The following BBS2 variants were observed in gnomAD, a reference collection of about 807,000 sequenced individuals.
The protein encoded by BBS2 is BBSome complex member BBS2.
Under a neutral mutation model 83.0 loss-of-function variants are expected in BBS2, and 62 were observed. That is an observed-to-expected ratio of 0.75 (90% CI 0.61 to 0.92). The LOEUF (loss-of-function observed/expected upper bound fraction) is 0.92, where lower values mean the gene tolerates loss of function less well. Among genes scored for constraint, BBS2 ranks in the 40% least tolerant of loss-of-function variants. The pLI is 0.00. For missense variants in BBS2, 784 were observed against 901.0 expected, an observed-to-expected ratio of 0.87 and a Z score of 1.66; for synonymous variants, 303 against 326.1, an observed-to-expected ratio of 0.93 and a Z score of 0.76.
At chr16:56,514,423 CAAT>C in intron 2 of BBS2, 27 bp downstream of exon 2, 1 of 1,591,950 alleles carries the variant, frequency 6.3e-7, no homozygotes, top group Non-Finnish European at 8.6e-7. Context: ...TGAGTAATGA[CAAT>C]TTTATGGTTA....
chr16:56,502,829 T>TA (rs747041352), intron 7 of BBS2, 21 bp from the exon 8 acceptor site: 4 of 1,613,918 alleles, frequency 2.5e-6, no homozygotes, highest in Middle Eastern at 1.6e-4. Flanking sequence ...AACACAAATT[T>TA]AAAAGTTGCT....
chr16:56,500,601 G>C (rs1212916750), intron 11 of BBS2: 2 of 445,098 alleles, frequency 4.5e-6, no homozygotes, highest in Admixed American at 7.1e-5. Context: ...CTCCAGCCTG[G>C]GTGACAAAGC....
intron 10 of BBS2, 71 bp downstream of exon 10, chr16:56,501,282 A>C: frequency 8.0e-6 from 2 of 249,220 alleles, no homozygotes; most frequent in Non-Finnish European, 1.4e-5. Flanking sequence ...ACTCTGTCTC[A>C]AAAAAAAAAA....
chr16:56,482,927 T>C (rs1249576333), downstream of BBS2, among the ~76,000 whole-genome samples: 1 of 152,222 alleles, frequency 6.6e-6, no homozygotes, highest in Non-Finnish European at 1.5e-5. Context: ...ACCACACTTT[T>C]AAAAGAAGAA....
At chr16:56,484,127 C>T (rs1963709178), downstream of BBS2, among the ~76,000 whole-genome samples, 1 of 152,002 alleles carries the variant, frequency 6.6e-6, no homozygotes, top group Non-Finnish European at 1.5e-5. Flanking sequence ...CTGCCTCAGC[C>T]TCCCAAGTAG....
intron 17 of BBS2, among the ~76,000 whole-genome samples, chr16:56,474,188 A>G (rs1225234451): frequency 1.3e-5 from 2 of 152,106 alleles, no homozygotes; most frequent in East Asian, 3.8e-4. Flanking sequence ...TTTCTACTTT[A>G]GGTAATAACA....
At chr16:56,490,263 A>G (rs1385828288) in intron 15 of BBS2, among the ~76,000 whole-genome samples, 1 of 152,186 alleles carries the variant, frequency 6.6e-6, no homozygotes, top group Non-Finnish European at 1.5e-5. Flanking sequence ...GACTTAATGT[A>G]AAAAAGCAAA....
chr16:56,482,475 ACTT>A (rs1963679196), downstream of BBS2, among the ~76,000 whole-genome samples: 1 of 152,096 alleles, frequency 6.6e-6, no homozygotes, highest in Non-Finnish European at 1.5e-5. Flanking sequence ...TTACGATGAT[ACTT>A]TACTACTTTG....
intron 13 of BBS2, among the ~76,000 whole-genome samples, chr16:56,498,203 T>C (rs1170510166): frequency 6.6e-6 from 1 of 152,160 alleles, no homozygotes; most frequent in African/African-American, 2.4e-5. Flanking sequence ...AAAACAGCTA[T>C]TCCAAATTAT....
intron 5 of BBS2, among the ~76,000 whole-genome samples, chr16:56,507,225 C>T (rs1490746063): frequency 6.6e-6 from 1 of 152,068 alleles, no homozygotes; most frequent in Non-Finnish European, 1.5e-5. Flanking sequence ...GGAAAATGGC[C>T]CTGCAAGTGA....
Position 56,514,516 on chromosome 16 carries a change from CA to C in BBS2, c.281del (p.Val94GlyfsTer23). ...AAGCCAAAAGATTAGTCTGTGTCCC[CA>C]CTAAAAGGGCATCATAGCCAAGCTC... ...NPELGYDALL[V>X]GTQTNLLAYD... is the part of the protein sequence containing the mutation. On this transcript the variant is annotated frameshift_variant, in exon 2 of 17. Coordinates refer to ENST00000245157, the MANE Select transcript of BBS2 (RefSeq NM_031885.5). LOFTEE classifies it high-confidence loss of function. 6.2e-7 allele frequency: 1 copy of C among 1,614,104 alleles called. No individual in the cohort carries two copies. The highest frequency in any genetic ancestry group is 8.5e-7 in the Non-Finnish European group (1 of 1,180,014).
chr16:56,502,802 C>T lies in BBS2; in HGVS notation c.811G>A (p.Ala271Thr). Residue 271 changes from alanine to threonine, a missense_variant, in exon 8 of 17, where the codon GCT becomes ACT. Transcript: ENST00000245157. ...ACCTCCCCAGTTCGGTCACTTCGAG[C>T]ATCAACCTACAAATAAAACACAAAT... ...ITGWSNGKVD[A>T]RSDRTGEVIF... The T allele has an allele frequency of 2.5e-6, 4 of 1,614,136 alleles. No individual in the cohort carries two copies. The Admixed American group carries it at 5.0e-5, about 20-fold the overall frequency.
chr16:56,511,423 T>C lies in BBS2; in HGVS notation c.346-139A>G, dbSNP rs1028736886. 7 of 1,112,614 alleles carry C rather than the reference T, an allele frequency of 6.3e-6. No individual in the cohort carries two copies. In the African/African-American group the frequency reaches 9.3e-5, roughly 15 times the overall value. 68.9% of individuals were successfully genotyped at this position (1,112,614 alleles called of 1,614,324 possible). A position where few individuals can be genotyped will look rare whatever the true frequency, so the allele number is the denominator to read the frequency against. ...CCATAATGTGGGTGGGCCTCACACA[T>C]TAACTGGCCCACGCACATATGGATA... On this transcript the variant is annotated intron_variant, in intron 2 of 16. Coordinates refer to ENST00000245157, the MANE Select transcript of BBS2 (RefSeq NM_031885.5).
chr16:56,507,078 G>A (rs1964440242), intron 5 of BBS2, among the ~76,000 whole-genome samples: 1 of 152,196 alleles, frequency 6.6e-6, no homozygotes, highest in African/African-American at 2.4e-5. Context: ...ACAAAGTGCT[G>A]TGTAGGATTC....
At chr16:56,476,340 A>G in intron 17 of BBS2, 1 of 709,968 alleles carries the variant, frequency 1.4e-6, no homozygotes, top group Non-Finnish European at 2.2e-6. Context: ...GTCTTTTACT[A>G]GGACTCATAA....
At chr16:56,497,993 T>G (rs1315902517) in intron 13 of BBS2, 113 bp from the exon 14 acceptor site, 5 of 1,101,020 alleles carry the variant, frequency 4.5e-6, no homozygotes, top group African/African-American at 3.2e-5. Flanking sequence ...TATATATATA[T>G]ATGCAGTGTT....
chr16:56,509,802 AC>A (rs1436968603), intron 5 of BBS2, 154 bp downstream of exon 5: 1 of 666,210 alleles, frequency 1.5e-6, no homozygotes, highest in African/African-American at 1.8e-5. Flanking sequence ...TGCTTTTCTT[AC>A]CATAACATAC....
intron 1 of BBS2, among the ~76,000 whole-genome samples, chr16:56,517,860 C>T (rs907720833): frequency 6.6e-6 from 1 of 151,158 alleles, no homozygotes; most frequent in African/African-American, 2.4e-5. Context: ...CACTCTGTCG[C>T]CCAGGCTGGA....
At chr16:56,505,269 T>C (rs1162021182) in intron 7 of BBS2, among the ~76,000 whole-genome samples, 1 of 152,220 alleles carries the variant, frequency 6.6e-6, no homozygotes, top group African/African-American at 2.4e-5. Context: ...AATCCGTTCT[T>C]CACGTAACAC....
Sources: gnomAD v4.1 joint callset for allele counts (sites outside exome capture counted in the v4.1 genomes callset) on GRCh38, gnomAD v4.1.1 for gene constraint, MANE v1.5 for transcripts, NCBI Gene and HGNC (gene_info 2026-07-23, HGNC 2026-07-21) for gene names.